The following FOXP4 variants were observed in gnomAD, a reference collection of about 807,000 sequenced individuals.
FOXP4 encodes the protein forkhead box protein P4.
A neutral mutation model predicts 82.6 loss-of-function variants in FOXP4; 25 were observed. That is an observed-to-expected ratio of 0.30 (90% CI 0.22 to 0.42). The LOEUF is 0.42. FOXP4 is among the 10% of genes least tolerant of loss of function. The pLI, the probability that FOXP4 is intolerant of heterozygous loss-of-function variation, is 1.00. For synonymous variants in FOXP4, 415 were observed against 388.2 expected, an observed-to-expected ratio of 1.07 and a Z score of -0.81; for missense variants, 785 against 900.9, an observed-to-expected ratio of 0.87 and a Z score of 1.65.
At chr6:41,598,160 T>C (rs1280453476) in intron 16 of FOXP4, among the ~76,000 whole-genome samples, 7 of 148,672 alleles carry the variant, frequency 4.7e-5, no homozygotes, top group Non-Finnish European at 8.9e-5. Context: ...CTCCCCACCT[T>C]CCCACCTTCT....
rs572852141 is a variant in FOXP4, at chr6:41,591,745, G to A, written c.1536+423G>A. 2.5e-4 allele frequency among the ~76,000 whole-genome samples: 38 copies of A among 152,324 alleles called. 1 individual carries two copies. The East Asian group carries it at 5.2e-3, about 21-fold the overall frequency. On this transcript the variant is annotated intron_variant, in intron 13 of 16. Coordinates refer to ENST00000307972, the MANE Select transcript of FOXP4 (RefSeq NM_001012426.2). The surrounding 1 kb of genome is among the most constrained non-coding windows in gnomAD (Gnocchi z 4.2). ...AAGCCTGAGGTGGGGCTAGGAAAGC[G>A]CAGGTATAGACACACGGATGGACCA...
chr6:41,562,331 C>T (rs1764631477), intron 1 of FOXP4, among the ~76,000 whole-genome samples: 2 of 152,152 alleles, frequency 1.3e-5, no homozygotes, highest in Admixed American at 1.3e-4. Flanking sequence ...ATGCCATTCA[C>T]ACACCCTGCG....
rs117078048 is a variant in FOXP4 at position 41,553,661 on chromosome 6, G to A, written c.-17+6794G>A. 8.5e-4 allele frequency among the ~76,000 whole-genome samples: 130 copies of A among 152,302 alleles called. 2 individuals are homozygous for A. The East Asian group carries it at 0.025, about 29-fold the overall frequency. On this transcript the variant is annotated intron_variant, in intron 1 of 16. Transcript: ENST00000307972. ...GGCCGTGATCCTGTGTGCTCCAGGG[G>A]CTTCTGGTGAGAAACTTAGGAGGAC...
chr6:41,568,499 G>A (rs535982219), intron 2 of FOXP4, among the ~76,000 whole-genome samples: 29 of 152,358 alleles, frequency 1.9e-4, no homozygotes, highest in Non-Finnish European at 3.8e-4. Context: ...CTCGAGCATA[G>A]TGGATGCTAA....
At chr6:41,561,396 C>T (rs1041575334) in intron 1 of FOXP4, among the ~76,000 whole-genome samples, 1 of 152,124 alleles carries the variant, frequency 6.6e-6, no homozygotes, top group Non-Finnish European at 1.5e-5. Flanking sequence ...CCAGTATTAG[C>T]GAACCTTAGA....
In FOXP4 at chr6:41,599,810, C is replaced by G. The variant is rs916883665; in HGVS notation, c.*874C>G. ...CCCCGGCTCCACACCCACATCCAGCCTGCAGGCCTCTCTGCAGTCCTCTCA... is the reference window on the plus strand; with the variant it reads ...CCCCGGCTCCACACCCACATCCAGCGTGCAGGCCTCTCTGCAGTCCTCTCA... On this transcript the variant is annotated 3_prime_UTR_variant, in exon 17 of 17. Transcript: ENST00000307972. 6.6e-6 allele frequency: 1 copy of G among 152,610 alleles called. No homozygotes were observed. The allele number at this position is 152,610 out of a possible 1,614,324, so 9.5% of individuals were successfully genotyped here. A position where few individuals can be genotyped will look rare whatever the true frequency, so the allele number is the denominator to read the frequency against.
intron 3 of FOXP4, among the ~76,000 whole-genome samples, chr6:41,584,473 C>T (rs991484105): frequency 1.3e-5 from 2 of 152,230 alleles, no homozygotes; most frequent in African/African-American, 4.8e-5. Context: ...TAATAGCCAA[C>T]CCTTATGTGC....
intron 1 of FOXP4, among the ~76,000 whole-genome samples, chr6:41,555,715 C>T (rs1489649461): frequency 2.0e-5 from 3 of 152,198 alleles, no homozygotes; most frequent in Non-Finnish European, 2.9e-5. Flanking sequence ...CTCTTGCCCT[C>T]ATCTTTCCCA....
chr6:41,557,445 T>C (rs1764337227), intron 1 of FOXP4, among the ~76,000 whole-genome samples: 1 of 152,230 alleles, frequency 6.6e-6, no homozygotes. Flanking sequence ...TAGAGTATCC[T>C]GTTCCCATTT....
intron 1 of FOXP4, among the ~76,000 whole-genome samples, chr6:41,563,589 C>T (rs925313666): frequency 1.3e-5 from 2 of 152,132 alleles, no homozygotes; most frequent in Admixed American, 6.5e-5. Flanking sequence ...TTCTATCCCT[C>T]GATGATCTCT....
intron 1 of FOXP4, among the ~76,000 whole-genome samples, chr6:41,563,203 AGGGGCCACAGGAACAG>A (rs1764687285): frequency 6.6e-6 from 1 of 152,172 alleles, no homozygotes; most frequent in Admixed American, 6.5e-5. Context: ...ACAGATGAAG[AGGGGCCACAGGAACAG>A]GGATGTGGCT....
At position 41,591,959 on chromosome 6, in the gene FOXP4, C is replaced by G. The variant is rs1375973741; in HGVS notation, c.1536+637C>G. Among the ~76,000 whole-genome samples, 2 of 151,734 alleles carry G rather than the reference C, an allele frequency of 1.3e-5. No homozygotes were observed. Among genetic ancestry groups the G allele is most frequent in the Non-Finnish European group, 2.9e-5 (2 of 67,970 alleles). ...AAAATGGGAGACAGATGCTGGGGTACTAGGCCATTTATTTTTCTATAGCCA... is the reference window on the plus strand; with the variant it reads ...AAAATGGGAGACAGATGCTGGGGTAGTAGGCCATTTATTTTTCTATAGCCA... On this transcript the variant is annotated intron_variant, in intron 13 of 16. Coordinates refer to ENST00000307972, the MANE Select transcript of FOXP4 (RefSeq NM_001012426.2). This position sits in a 1 kb window ranked among gnomAD's most constrained non-coding sequence, Gnocchi z 4.2.
rs991201181 is a variant in FOXP4 at position 41,586,940 on chromosome 6, TG to T, written c.511-64del. On this transcript the variant is annotated intron_variant, in intron 5 of 16. Transcript: ENST00000307972. ...GCCCTGGGAGGGGGTGGCCGCGGGG[TG>T]GGGGCCAGATGGCATGCCTGAAGCT... 6.0e-6 allele frequency: 9 copies of T among 1,492,802 alleles called. No individual in the cohort carries two copies. In the African/African-American group the frequency reaches 1.3e-4, roughly 21 times the overall value. The allele number at this position is 1,492,802 out of a possible 1,614,324, so 92.5% of individuals were successfully genotyped here. A position where few individuals can be genotyped will look rare whatever the true frequency, so the allele number is the denominator to read the frequency against.
chr6:41,590,553 T>G (rs1229920825), intron 12 of FOXP4, among the ~76,000 whole-genome samples: 1 of 152,152 alleles, frequency 6.6e-6, no homozygotes, highest in East Asian at 1.9e-4. Context: ...TATGTGTCTC[T>G]GGGGGTGCAC....
intron 1 of FOXP4, among the ~76,000 whole-genome samples, chr6:41,553,947 C>T (rs908735715): frequency 3.9e-5 from 6 of 152,268 alleles, no homozygotes; most frequent in Admixed American, 3.9e-4. Flanking sequence ...TGCTCTGCCC[C>T]CTGCATGGAA....
intron 2 of FOXP4, among the ~76,000 whole-genome samples, chr6:41,576,237 A>G (rs758451437): frequency 1.3e-5 from 2 of 152,078 alleles, no homozygotes; most frequent in Non-Finnish European, 2.9e-5. Flanking sequence ...GAGCACACCA[A>G]TCTGAGCTCC....
At chr6:41,564,436 AAATT>A (rs1171656212) in intron 1 of FOXP4, among the ~76,000 whole-genome samples, 1 of 152,174 alleles carries the variant, frequency 6.6e-6, no homozygotes, top group Non-Finnish European at 1.5e-5. Flanking sequence ...TAAAATGAAT[AAATT>A]AATTAAATTA....
At chr6:41,548,605 T>A (rs1327204946) in intron 1 of FOXP4, 1 of 152,284 alleles carries the variant, frequency 6.6e-6, no homozygotes, top group Non-Finnish European at 1.5e-5. Context: ...AAGCTCACTT[T>A]CCACAGAAAA....
chr6:41,576,395 A>C (rs1317960312), intron 2 of FOXP4, among the ~76,000 whole-genome samples: 1 of 152,172 alleles, frequency 6.6e-6, no homozygotes, highest in African/African-American at 2.4e-5. Context: ...TATGCTTGGT[A>C]CACAGTGGTC....
Sources: allele counts gnomAD v4.1 joint callset (sites outside exome capture counted in the v4.1 genomes callset), GRCh38; gene constraint gnomAD v4.1.1; non-coding constraint Gnocchi (gnomAD v3.1); transcripts MANE v1.5; gene names NCBI Gene and HGNC (gene_info 2026-07-23, HGNC 2026-07-21).